FARSB: variants seen among roughly 807,000 people sequenced by gnomAD.
FARSB encodes the protein phenylalanine--tRNA ligase beta subunit.
FARSB carries 40 observed loss-of-function variants against 69.6 expected under a neutral mutation model. The observed-to-expected ratio is 0.57, with a 90% CI of 0.45 to 0.75. FARSB has a LOEUF of 0.75. Among genes scored for constraint, FARSB ranks in the 30% least tolerant of loss-of-function variants. The pLI is 0.00. For synonymous variants in FARSB, 235 were observed against 247.2 expected (o/e 0.95, Z 0.46); for missense variants, 632 against 722.9 (o/e 0.87, Z 1.44).
At chr2:222,642,477 G>A (rs964675290) in intron 3 of FARSB, among the ~76,000 whole-genome samples, 3 of 152,200 alleles carry the variant, frequency 2.0e-5, no homozygotes, top group African/African-American at 7.2e-5. Context: ...AACTCATAAT[G>A]TAAGGGTATT....
At chr2:222,640,779 T>C in intron 4 of FARSB, 83 bp downstream of exon 4, 1 of 710,384 alleles carries the variant, frequency 1.4e-6, no homozygotes, top group South Asian at 1.7e-5. Flanking sequence ...AAGAGTAAGC[T>C]TTGTTTCTCT....
rs1016846437 is a variant in FARSB, at chr2:222,628,817, G to T, written c.900+20C>A. 15 of 1,526,154 alleles carry T rather than the reference G, an allele frequency of 9.8e-6. No individual in the cohort carries two copies. Among genetic ancestry groups the T allele is most frequent in the Non-Finnish European group, 1.4e-5 (15 of 1,101,468 alleles). 94.5% of individuals were successfully genotyped at this position (1,526,154 alleles called of 1,614,324 possible). On this transcript the variant is annotated intron_variant, in intron 10 of 16. Transcript: ENST00000281828. ...TTAGCATTGTTGTCATAATCATGAA[G>T]TCATTTCTTAAGCACTTACTGGAAA...
At chr2:222,611,615 C>A (rs1690855952) in intron 15 of FARSB, among the ~76,000 whole-genome samples, 1 of 152,052 alleles carries the variant, frequency 6.6e-6, no homozygotes, top group African/African-American at 2.4e-5. Flanking sequence ...ACCTGGCCAC[C>A]TAGGTGATTT....
intron 16 of FARSB, among the ~76,000 whole-genome samples, chr2:222,573,157 C>T (rs1689755788): frequency 6.6e-6 from 1 of 152,038 alleles, no homozygotes; most frequent in Non-Finnish European, 1.5e-5. Flanking sequence ...CAAGTTAGTA[C>T]CACAGAGACA....
intron 10 of FARSB, among the ~76,000 whole-genome samples, chr2:222,628,303 G>A (rs1191000667): frequency 1.3e-5 from 2 of 152,112 alleles, no homozygotes; most frequent in Admixed American, 6.6e-5. Context: ...AGCAGACTAC[G>A]AATGTTCCCA....
intron 5 of FARSB, among the ~76,000 whole-genome samples, chr2:222,638,726 A>G (rs1455600106): frequency 6.6e-6 from 1 of 152,216 alleles, no homozygotes; most frequent in Admixed American, 6.5e-5. Context: ...TTACTAAACT[A>G]CAATTATTAG....
At chr2:222,596,273 A>T (rs1231268252) in intron 16 of FARSB, among the ~76,000 whole-genome samples, 1 of 152,178 alleles carries the variant, frequency 6.6e-6, no homozygotes, top group Non-Finnish European at 1.5e-5. Flanking sequence ...AAAACTCCAT[A>T]GGTTAATGCG....
chr2:222,586,363 C>T (rs1051346895), intron 16 of FARSB, among the ~76,000 whole-genome samples: 2 of 152,122 alleles, frequency 1.3e-5, no homozygotes, highest in East Asian at 1.9e-4. Context: ...GAAGGAAGCA[C>T]TAAACATGGA....
chr2:222,609,069 G>C (rs1690776833), intron 15 of FARSB, among the ~76,000 whole-genome samples: 1 of 152,124 alleles, frequency 6.6e-6, no homozygotes, highest in Non-Finnish European at 1.5e-5. Flanking sequence ...TTTGGCTCTT[G>C]TTCCTTTTAC....
intron 15 of FARSB, among the ~76,000 whole-genome samples, chr2:222,609,248 T>C (rs1338638999): frequency 1.3e-5 from 2 of 152,232 alleles, no homozygotes; most frequent in African/African-American, 2.4e-5. Context: ...TACAGTTGCT[T>C]TTCTGGGCAT....
intron 16 of FARSB, among the ~76,000 whole-genome samples, chr2:222,587,016 A>G (rs1690132760): frequency 6.6e-6 from 1 of 152,232 alleles, no homozygotes; most frequent in African/African-American, 2.4e-5. Flanking sequence ...CCTAATAGAC[A>G]TCTGCAGAAC....
At chr2:222,608,978 T>C (rs1574929490) in intron 15 of FARSB, among the ~76,000 whole-genome samples, 1 of 152,222 alleles carries the variant, frequency 6.6e-6, no homozygotes, top group South Asian at 2.1e-4. Context: ...TCCACAGATA[T>C]ATGTCAAATT....
intron 15 of FARSB, among the ~76,000 whole-genome samples, chr2:222,605,420 C>T (rs889541139): frequency 2.0e-5 from 3 of 152,102 alleles, no homozygotes; most frequent in African/African-American, 7.2e-5. Flanking sequence ...AGTAATACTA[C>T]CATTAAGAGA....
At chr2:222,639,813 A>C in intron 4 of FARSB, 118 bp from the exon 5 acceptor site, 1 of 415,718 alleles carries the variant, frequency 2.4e-6, no homozygotes, top group East Asian at 3.5e-5. Flanking sequence ...AAACAAGTAT[A>C]TATTAATTTA....
At chr2:222,604,192 T>G (rs1690641441) in intron 15 of FARSB, among the ~76,000 whole-genome samples, 1 of 149,454 alleles carries the variant, frequency 6.7e-6, no homozygotes, top group Non-Finnish European at 1.5e-5. Flanking sequence ...CACTCCAGCC[T>G]GAGCAACAGA....
intron 4 of FARSB, among the ~76,000 whole-genome samples, chr2:222,640,612 C>T (rs985003789): frequency 3.4e-5 from 5 of 145,754 alleles, no homozygotes; most frequent in African/African-American, 7.6e-5. Context: ...AAAAACTAGC[C>T]GGGTGTGGTG....
At chr2:222,654,614 G>A (rs563024762) in intron 1 of FARSB, among the ~76,000 whole-genome samples, 6 of 152,188 alleles carry the variant, frequency 3.9e-5, no homozygotes, top group African/African-American at 1.2e-4. Context: ...TAGGCGATTA[G>A]AGCCAAGTAC....
At chr2:222,603,453 G>C (rs1690615789) in intron 15 of FARSB, among the ~76,000 whole-genome samples, 1 of 151,758 alleles carries the variant, frequency 6.6e-6, no homozygotes, top group South Asian at 2.1e-4. Flanking sequence ...AACATTAACT[G>C]TTAATCTGTG....
chr2:222,600,061 T>G lies in FARSB; in HGVS notation c.1485A>C (p.Arg495Ser). The G allele has an allele frequency of 6.2e-7, 1 of 1,607,324 alleles. No individual in the cohort carries two copies. Among genetic ancestry groups the G allele is most frequent in the Non-Finnish European group, 8.5e-7 (1 of 1,178,458 alleles). The change falls in exon 16 of 17, where the codon AGA becomes AGC. Residue 495 changes from arginine (R) to serine (S), a missense_variant. Physicochemically the swap from Arg to Ser is moderately radical, Grantham distance 110 (BLOSUM62 -1). Transcript: ENST00000281828. ...TGTTGTAATAAACAGCACAGAGATG[T>G]CTGTAGTTTTTTGCACCTACATCTA... ...SNTDVGAKNY[R>S]HLCAVYYNKN... is the part of the protein sequence containing the mutation.
Sources: gnomAD v4.1 joint callset for allele counts (sites outside exome capture counted in the v4.1 genomes callset) on GRCh38, gnomAD v4.1.1 for gene constraint, MANE v1.5 for transcripts, NCBI Gene and HGNC (gene_info 2026-07-23, HGNC 2026-07-21) for gene names.